RADX: variants seen among roughly 807,000 people sequenced by gnomAD.
The protein encoded by RADX is RPA1 related single stranded DNA binding protein, X-linked.
In RADX, 36 loss-of-function variants were observed where a neutral mutation model predicts 61.6. The observed-to-expected ratio is 0.58, with a 90% CI of 0.45 to 0.77. RADX has a LOEUF of 0.77. Ranked by LOEUF, RADX falls within the 30% of genes least tolerant of loss-of-function variation. The probability of loss-of-function intolerance (pLI) is 0.00; values close to 1 mark genes in which losing one functional copy is unlikely to be tolerated. For synonymous variants in RADX, 272 were observed against 237.9 expected, an observed-to-expected ratio of 1.14 and a Z score of -1.32; for missense variants, 497 against 651.1, an observed-to-expected ratio of 0.76 and a Z score of 2.58.
chrX:106,645,829 G>T (rs1475136898), intron 10 of RADX, among the ~76,000 whole-genome samples: 1 of 111,218 alleles, frequency 9.0e-6, no homozygotes, highest in East Asian at 2.8e-4. Flanking sequence ...TAGAAGATTT[G>T]TCCAGTGCTG....
intron 3 of RADX, 98 bp from the exon 4 acceptor site, chrX:106,632,527 A>C: frequency 8.5e-6 from 4 of 472,867 alleles, no homozygotes; most frequent in Non-Finnish European, 3.4e-6. Context: ...TGGTGGGTTC[A>C]AAATGTTCAG....
chrX:106,626,752 T>C (rs1408333587), intron 3 of RADX, among the ~76,000 whole-genome samples: 1 of 112,175 alleles, frequency 8.9e-6, no homozygotes. Context: ...AATGTTAGCG[T>C]TGGTGATAAT....
chrX:106,640,721 C>T lies in RADX; in HGVS notation c.1904C>T (p.Pro635Leu), dbSNP rs1235115625. The T allele has an allele frequency of 4.3e-6, 5 of 1,155,478 alleles. No individual in the cohort carries two copies. In the East Asian group the frequency reaches 9.1e-5, roughly 21 times the overall value. ...IRILQGPHAN[P>L]VAVPQPGASV... The stretch of plus-strand genomic sequence containing the variant: ...ATTCTTCAAGGCCCACACGCTAATC[C>T]GTAAGTCATTTGTATTAAGTATATG... Residue 635 changes from proline (P) to leucine (L), a missense_variant and splice_region_variant, in exon 10 of 14, where the codon CCA becomes CTA. By Grantham distance (98) the Pro-to-Leu change is moderately conservative (BLOSUM62 -3). This residue lies in a region of RADX where 267 missense variants were observed against 306.9 expected (regional missense o/e 0.87). Coordinates refer to ENST00000372548, the MANE Select transcript of RADX (RefSeq NM_018015.6).
intron 11 of RADX, among the ~76,000 whole-genome samples, chrX:106,656,591 C>G (rs778597448): frequency 8.9e-6 from 1 of 111,798 alleles, no homozygotes; most frequent in South Asian, 3.8e-4. Context: ...GTCAGAATTA[C>G]TCCTTGATCC....
chrX:106,614,554 G>T (rs1926754743), intron 1 of RADX, among the ~76,000 whole-genome samples: 2 of 111,863 alleles, frequency 1.8e-5, no homozygotes, highest in Admixed American at 9.4e-5. Context: ...GGCTTAAAAG[G>T]TATTTAATTT....
rs375574266 is a variant in RADX, at chrX:106,648,347, A to G, written c.1939A>G (p.Thr647Ala). The G allele has an allele frequency of 1.9e-5, 23 of 1,198,958 alleles. No individual in the cohort carries two copies. The highest frequency in any genetic ancestry group is 2.6e-5 in the Non-Finnish European group (23 of 886,754). ...AVPQPGASVQ[T>A]KGIKPGMPSI... ...ACCTCAACCAGGAGCTTCTGTACAAACAAAGGGAATTAAACCGGGCATGCC... is the reference window on the plus strand; with the variant it reads ...ACCTCAACCAGGAGCTTCTGTACAAGCAAAGGGAATTAAACCGGGCATGCC... The change falls in exon 11 of 14, where the codon ACA becomes GCA. Residue 647 changes from threonine (T) to alanine (A), a missense_variant. Thr to Ala is a moderately conservative substitution (Grantham distance 58, BLOSUM62 0). Around this residue, in one of 3 missense-constraint regions of RADX, gnomAD observed 267 missense variants for 306.9 expected, o/e 0.87. Transcript: ENST00000372548.
chrX:106,669,952 T>A (rs778208316), intron 13 of RADX, among the ~76,000 whole-genome samples: 1 of 112,022 alleles, frequency 8.9e-6, no homozygotes, highest in Non-Finnish European at 1.9e-5. Context: ...AATCATGTGG[T>A]AAAGTTTCTA....
intron 11 of RADX, 108 bp downstream of exon 11, chrX:106,648,494 C>A: frequency 1.9e-6 from 1 of 513,489 alleles, no homozygotes; most frequent in South Asian, 3.8e-5. Context: ...AGAATGTATA[C>A]TTTGCATATA....
At chrX:106,615,989 G>A (rs1926792364) in intron 1 of RADX, among the ~76,000 whole-genome samples, 1 of 111,206 alleles carries the variant, frequency 9.0e-6, no homozygotes, top group Admixed American at 9.6e-5. Flanking sequence ...GAGTTGGAAA[G>A]CTTGCCCGTC....
rs1927496104 is a variant in RADX, at chrX:106,640,876, T to C, written c.1904+155T>C. On this transcript the variant is annotated intron_variant, in intron 10 of 13. Coordinates refer to ENST00000372548, the MANE Select transcript of RADX (RefSeq NM_018015.6). Reference sequence around the variant, plus strand: ...GAGTGACTTAAACACTGAAATTTGTTGTCTCAGAGTTCTGGAGGATAGAGT... The same window carrying C: ...GAGTGACTTAAACACTGAAATTTGTCGTCTCAGAGTTCTGGAGGATAGAGT... Among the ~76,000 whole-genome samples the C allele has an allele frequency of 2.7e-5, 3 of 111,412 alleles. No homozygotes were observed. The Admixed American group carries it at 2.9e-4, about 11-fold the overall frequency.
chrX:106,676,370 T>C (rs1444227159), intron 13 of RADX, among the ~76,000 whole-genome samples: 1 of 112,152 alleles, frequency 8.9e-6, no homozygotes, highest in African/African-American at 3.2e-5. Context: ...CTTACGTATT[T>C]TGTATTTTTT....
At chrX:106,618,428 C>T (rs970572424) in intron 1 of RADX, among the ~76,000 whole-genome samples, 4 of 110,810 alleles carry the variant, frequency 3.6e-5, no homozygotes, top group African/African-American at 1.3e-4. Flanking sequence ...ATTTACATTT[C>T]GAACATGTTC....
In RADX at chrX:106,612,539, C is replaced by T. The variant is rs1204908269; in HGVS notation, c.459C>T (p.Val153=). The T allele has an allele frequency of 1.7e-5, 20 of 1,209,392 alleles. No homozygotes were observed. Among genetic ancestry groups the T allele is most frequent in the Non-Finnish European group, 2.2e-5 (20 of 894,903 alleles). ...IGQGILCIDN[V]HCGETSDSIS... is the part of the protein sequence containing the mutation. ...AGGGGATCCTGTGCATAGATAACGT[C>T]CACTGTGGGGAGACTTCAGACAGTA... Residue 153 remains valine, a synonymous_variant, in exon 1 of 14, where the codon GTC becomes GTT. Coordinates refer to ENST00000372548, the MANE Select transcript of RADX (RefSeq NM_018015.6).
intron 1 of RADX, among the ~76,000 whole-genome samples, chrX:106,614,408 T>C (rs1181618108): frequency 8.9e-6 from 1 of 112,125 alleles, no homozygotes; most frequent in Non-Finnish European, 1.9e-5. Flanking sequence ...CCCATGTGAA[T>C]AGGTAATTTG....
intron 10 of RADX, among the ~76,000 whole-genome samples, chrX:106,642,499 C>T (rs1274823099): frequency 9.0e-6 from 1 of 111,598 alleles, no homozygotes; most frequent in Non-Finnish European, 1.9e-5. Context: ...TAGGTGAGAA[C>T]ATGGAATGTT....
chrX:106,654,990 T>C (rs761842154), intron 11 of RADX, among the ~76,000 whole-genome samples: 5 of 111,695 alleles, frequency 4.5e-5, no homozygotes, highest in Non-Finnish European at 9.4e-5. Flanking sequence ...GTAGCAAATT[T>C]AAGTCCTTCC....
Position 106,662,186 on chromosome X carries a change from T to A in RADX, c.2150T>A (p.Phe717Tyr). The A allele has an allele frequency of 1.7e-6, 2 of 1,210,730 alleles. No homozygotes were observed. The highest frequency in any genetic ancestry group is 2.2e-6 in the Non-Finnish European group (2 of 894,944). The change falls in exon 12 of 14, where the codon TTT becomes TAT. Residue 717 changes from phenylalanine (F) to tyrosine (Y), a missense_variant. By Grantham distance (22) the Phe-to-Tyr change is conservative. This residue lies in a region of RADX where 267 missense variants were observed against 306.9 expected (regional missense o/e 0.87). Transcript: ENST00000372548. ...PRKFMFEHRK[F>Y]LSDQYNSQPA... ...AAATTTATGTTTGAACACAGAAAGT[T>A]TCTTAGTGACCAGTATAATTCTCAG...
At chrX:106,653,280 T>G (rs1489101887) in intron 11 of RADX, among the ~76,000 whole-genome samples, 3 of 110,826 alleles carry the variant, frequency 2.7e-5, no homozygotes, top group Non-Finnish European at 5.7e-5. Flanking sequence ...AATAAAAATA[T>G]ATTGTGGAGT....
At chrX:106,652,970 A>C (rs1169953691) in intron 11 of RADX, among the ~76,000 whole-genome samples, 1 of 89,636 alleles carries the variant, frequency 1.1e-5, no homozygotes, top group African/African-American at 4.9e-5. Context: ...TGGGTGACAG[A>C]GTGAGATTCT....
Sources: allele counts gnomAD v4.1 joint callset (sites outside exome capture counted in the v4.1 genomes callset), GRCh38; gene constraint gnomAD v4.1.1; regional missense constraint gnomAD v4.1.1; transcripts MANE v1.5; gene names NCBI Gene and HGNC (gene_info 2026-07-23, HGNC 2026-07-21).